Variants in DDX42 observed in about 807,000 individuals in gnomAD.
The protein encoded by DDX42 is DEAD-box helicase 42.
Under a neutral mutation model 101.5 loss-of-function variants are expected in DDX42, and 22 were observed. The ratio of observed to expected loss-of-function variants is 0.22; its 90% CI spans 0.15 to 0.31. DDX42 has a LOEUF of 0.31. Ranked by LOEUF, DDX42 falls within the 10% of genes least tolerant of loss-of-function variation. DDX42 has a pLI of 1.00. For missense variants in DDX42, 849 were observed against 1,199.9 expected (o/e 0.71, Z 4.32); for synonymous variants, 402 against 401.2 (o/e 1.00, Z -0.02).
intron 3 of DDX42, among the ~76,000 whole-genome samples, chr17:63,797,707 A>G (rs187838178): frequency 6.6e-6 from 1 of 152,350 alleles, no homozygotes; most frequent in East Asian, 1.9e-4. Context: ...AGGAAGGCCT[A>G]TCTGCCTGAA....
chr17:63,815,264 A>C (rs1380186848), intron 15 of DDX42, among the ~76,000 whole-genome samples: 1 of 151,978 alleles, frequency 6.6e-6, no homozygotes, highest in African/African-American at 2.4e-5. Context: ...AGAAGTAGCC[A>C]AAGTTACTCC....
intron 10 of DDX42, among the ~76,000 whole-genome samples, chr17:63,809,222 C>G (rs1316066267): frequency 2.0e-5 from 3 of 152,198 alleles, no homozygotes; most frequent in African/African-American, 7.2e-5. Context: ...CATCAAGAAT[C>G]AGAAAGATAC....
chr17:63,787,518 CTG>C (rs1447324348), intron 2 of DDX42, among the ~76,000 whole-genome samples: 1 of 152,154 alleles, frequency 6.6e-6, no homozygotes, highest in Non-Finnish European at 1.5e-5. Context: ...CTGTTGCTCA[CTG>C]TGGGATTAGA....
chr17:63,806,375 A>G (rs2039840610), intron 7 of DDX42, 160 bp from the exon 8 acceptor site: 1 of 581,254 alleles, frequency 1.7e-6, no homozygotes, highest in South Asian at 4.5e-5. Flanking sequence ...ATTTGTTACC[A>G]TTTGAGGTTT....
At chr17:63,782,853 GT>G (rs1452875389) in intron 1 of DDX42, among the ~76,000 whole-genome samples, 1 of 152,172 alleles carries the variant, frequency 6.6e-6, no homozygotes, top group Non-Finnish European at 1.5e-5. Flanking sequence ...GCAGAATACA[GT>G]TTTGTATGGT....
chr17:63,789,023 C>T (rs963211241), intron 2 of DDX42, among the ~76,000 whole-genome samples: 2 of 152,048 alleles, frequency 1.3e-5, no homozygotes, highest in East Asian at 1.9e-4. Flanking sequence ...CCACCTCAGC[C>T]TCCTGAGTAG....
At chr17:63,806,127 C>T in intron 7 of DDX42, 1 of 154,654 alleles carries the variant, frequency 6.5e-6, no homozygotes, top group South Asian at 2.0e-4. Context: ...TTATTTGGAG[C>T]CCACTTGGAA....
chr17:63,817,986 G>A lies in DDX42; in HGVS notation c.2405G>A (p.Gly802Asp). The A allele has an allele frequency of 6.2e-7, 1 of 1,614,194 alleles. No individual in the cohort carries two copies. Among genetic ancestry groups the A allele is most frequent in the Non-Finnish European group, 8.5e-7 (1 of 1,180,042 alleles). Residue 802 changes from glycine (G) to aspartate (D), a missense_variant, in exon 18 of 18, where the codon GGC becomes GAC. Around this residue, in one of 5 missense-constraint regions of DDX42, gnomAD observed 300 missense variants for 304.9 expected, o/e 0.98. Coordinates refer to ENST00000389924, the MANE Select transcript of DDX42 (RefSeq NM_203499.3). Reference sequence around the variant, plus strand: ...AATAACAGCCGAGAAGGGACTGGGGGCAGCAACGGGAAAAGAGAGAGATAT... The same window carrying A: ...AATAACAGCCGAGAAGGGACTGGGGACAGCAACGGGAAAAGAGAGAGATAT... Reference protein sequence around the residue: ...SGNNSREGTGGSNGKRERYTE... With the variant: ...SGNNSREGTGDSNGKRERYTE...
chr17:63,800,739 TCTA>T, intron 6 of DDX42, 122 bp downstream of exon 6: 1 of 1,231,658 alleles, frequency 8.1e-7, no homozygotes, highest in Non-Finnish European at 1.1e-6. Flanking sequence ...TCTTGTCATC[TCTA>T]CTAAGTGGTT....
intron 2 of DDX42, among the ~76,000 whole-genome samples, chr17:63,790,267 A>G (rs570694102): frequency 1.4e-4 from 22 of 152,328 alleles, no homozygotes; most frequent in African/African-American, 5.3e-4. Context: ...TAGCGTGAGT[A>G]TGCTATTGCT....
At chr17:63,787,905 G>GTT (rs780070919) in intron 2 of DDX42, among the ~76,000 whole-genome samples, 42,339 of 107,022 alleles carry the variant, frequency 0.4, 7,113 homozygotes, top group South Asian at 0.58. Context: ...AATTCATGTG[G>GTT]TTTTTTTTTT....
chr17:63,799,222 T>A (rs959731469), intron 4 of DDX42, among the ~76,000 whole-genome samples: 1 of 150,834 alleles, frequency 6.6e-6, no homozygotes, highest in Non-Finnish European at 1.5e-5. Context: ...AAATACAAGA[T>A]TTTTTTTTTC....
rs756811741 is a variant in DDX42, at chr17:63,812,093, G to T, written c.1560G>T (p.Gln520His). Residue 520 changes from glutamine (Q) to histidine (H), a missense_variant, in exon 14 of 18, where the codon CAG (glutamine) becomes CAT (histidine). Gln to His is a conservative substitution (Grantham distance 24, BLOSUM62 0). Transcript: ENST00000389924. The part of the protein sequence containing the change: ...NAEELANNLK[Q>H]EGHNLGLLHG... Reference sequence around the variant, plus strand: ...AAGAGCTAGCGAATAACCTTAAACAGGAGGGTCATAATCTTGGGCTGCTCC... The same window carrying T: ...AAGAGCTAGCGAATAACCTTAAACATGAGGGTCATAATCTTGGGCTGCTCC... 3.7e-6 allele frequency: 6 copies of T among 1,614,130 alleles called. No individual in the cohort carries two copies. The African/African-American group carries it at 8.0e-5, about 22-fold the overall frequency.
chr17:63,777,051 C>T (rs1053305980), intron 1 of DDX42, among the ~76,000 whole-genome samples: 10 of 152,058 alleles, frequency 6.6e-5, no homozygotes, highest in Non-Finnish European at 1.2e-4. Context: ...GGACTACAGG[C>T]GTGTGCCACC....
At chr17:63,793,035 T>C (rs188078967) in intron 3 of DDX42, among the ~76,000 whole-genome samples, 12 of 152,298 alleles carry the variant, frequency 7.9e-5, no homozygotes, top group African/African-American at 2.9e-4. Flanking sequence ...CTCACTAGGC[T>C]TTTGTGATTT....
In DDX42 at chr17:63,807,748, A is replaced by G; in HGVS notation, c.871A>G (p.Arg291Gly). ...CQGVPVALSG[R>G]DMIGIAKTGS... ...GGGTGTGCCTGTGGCATTAAGTGGT[A>G]GAGACATGATTGGTATTGCCAAAAC... is the stretch of plus-strand genomic sequence containing the variant. Residue 291 changes from arginine (R) to glycine (G), a missense_variant, in exon 9 of 18, where the codon AGA becomes GGA. Arg to Gly is a moderately radical substitution (Grantham distance 125). Around this residue, in one of 5 missense-constraint regions of DDX42, gnomAD observed 370 missense variants for 608.8 expected, o/e 0.61. Transcript: ENST00000389924. The G allele has an allele frequency of 6.2e-7, 1 of 1,613,812 alleles. No homozygotes were observed.
At chr17:63,793,133 A>G (rs1275647383) in intron 3 of DDX42, among the ~76,000 whole-genome samples, 1 of 152,204 alleles carries the variant, frequency 6.6e-6, no homozygotes, top group East Asian at 1.9e-4. Context: ...AACACATACA[A>G]AGATAGAATA....
At position 63,811,180 on chromosome 17, in the gene DDX42, C is replaced by G; in HGVS notation, c.1398+7C>G. On this transcript the variant is annotated splice_region_variant and intron_variant, in intron 13 of 17. Transcript: ENST00000389924. Reference sequence around the variant, plus strand: ...GCAGGGAGATATTGGAGAGGTAACCCTAAGCAGGGCTGGATGGGACCTTAA... The same window carrying G: ...GCAGGGAGATATTGGAGAGGTAACCGTAAGCAGGGCTGGATGGGACCTTAA... 6.2e-7 allele frequency: 1 copy of G among 1,607,776 alleles called. No homozygotes were observed. The highest frequency in any genetic ancestry group is 2.2e-5 in the East Asian group (1 of 44,818).
At chr17:63,806,458 C>T in intron 7 of DDX42, 77 bp from the exon 8 acceptor site, 2 of 1,443,644 alleles carry the variant, frequency 1.4e-6, no homozygotes, top group South Asian at 1.5e-5. Context: ...ATGCTAGATC[C>T]AGGTAAGTAT....
Sources: allele counts gnomAD v4.1 joint callset (sites outside exome capture counted in the v4.1 genomes callset), GRCh38; gene constraint gnomAD v4.1.1; regional missense constraint gnomAD v4.1.1; transcripts MANE v1.5; gene names NCBI Gene and HGNC (gene_info 2026-07-23, HGNC 2026-07-21).